The following TSPO2 variants were observed in gnomAD, a reference collection of about 807,000 sequenced individuals.
TSPO2 encodes benzodiazapine receptor (peripheral)-like 1.
In TSPO2, 15 loss-of-function variants were observed where a neutral mutation model predicts 13.3. The observed-to-expected ratio is 1.13, with a 90% CI of 0.75 to 1.73. TSPO2 has a LOEUF of 1.73. TSPO2 is among the 40% of genes most tolerant of loss of function. The pLI is 0.00. For missense variants in TSPO2, 202 were observed against 198.3 expected (o/e 1.02, Z -0.11); for synonymous variants, 81 against 91.6 (o/e 0.88, Z 0.66).
chr6:41,044,091 G>A lies in TSPO2; in HGVS notation c.467G>A (p.Ser156Asn), dbSNP rs765945188. 1.2e-6 allele frequency: 2 copies of A among 1,614,198 alleles called. No individual in the cohort carries two copies. The highest frequency in any genetic ancestry group is 1.7e-5 in the Admixed American group (1 of 60,028). Residue 156 changes from serine to asparagine, a missense_variant, in exon 4 of 4, where the codon AGC (serine) becomes AAC (asparagine). Transcript: ENST00000373161. ...CTCACCTACCACCTGTGGAGGGACA[G>A]CCTTTGTCCAGTGCACCAGCCTCAG... ...SALTYHLWRD[S>N]LCPVHQPQPT...
intron 3 of TSPO2, 106 bp from the exon 4 acceptor site, chr6:41,043,834 T>C (rs891049996): frequency 1.3e-6 from 2 of 1,508,128 alleles, no homozygotes; most frequent in African/African-American, 2.7e-5. Context: ...ACTCCCATGG[T>C]GTGCACAGAG....
chr6:41,042,675 G>T lies in TSPO2; in HGVS notation c.-124G>T. 3 of 553,634 alleles carry T rather than the reference G, an allele frequency of 5.4e-6. No individual in the cohort carries two copies. The highest frequency in any genetic ancestry group is 1.0e-5 in the Non-Finnish European group (3 of 290,688). 34.3% of individuals were successfully genotyped at this position (553,634 alleles called of 1,614,324 possible). ...CAGGACTCAGAAGCACTTGGAGGAA[G>T]GCCTATTCACTTAGAAGCAGTTACC... On this transcript the variant is annotated 5_prime_UTR_variant, in exon 1 of 4. In the 5' UTR this introduces an upstream ATG that the reference lacks. Coordinates refer to ENST00000373161, the MANE Select transcript of TSPO2 (RefSeq NM_001010873.3).
chr6:41,043,234 CATATATTGGCCTCCA>C, intron 2 of TSPO2, 76 bp downstream of exon 2: 4 of 1,503,082 alleles, frequency 2.7e-6, no homozygotes, highest in Non-Finnish European at 3.6e-6. Flanking sequence ...GAATTACTCC[CATATATTGGCCTCCA>C]AAGGTAGGCG....
At position 41,042,668 on chromosome 6, in the gene TSPO2, G is replaced by A. The variant is rs1347812817; in HGVS notation, c.-131G>A. 1.9e-6 allele frequency: 1 copy of A among 539,512 alleles called. No individual in the cohort carries two copies. Among genetic ancestry groups the A allele is most frequent in the Non-Finnish European group, 3.6e-6 (1 of 281,672 alleles). The allele number at this position is 539,512 out of a possible 1,614,324, so 33.4% of individuals were successfully genotyped here. A position where few individuals can be genotyped will look rare whatever the true frequency, so the allele number is the denominator to read the frequency against. ...TGATCTCCAGGACTCAGAAGCACTT[G>A]GAGGAAGGCCTATTCACTTAGAAGC... On this transcript the variant is annotated 5_prime_UTR_variant, in exon 1 of 4. Transcript: ENST00000373161.
intron 1 of TSPO2, 25 bp from the exon 2 acceptor site, chr6:41,042,941 A>C (rs753253007): frequency 6.2e-7 from 1 of 1,609,782 alleles, no homozygotes; most frequent in Non-Finnish European, 8.5e-7. Context: ...AAGGCTCATC[A>C]CTAGCATGTT....
At position 41,044,290 on chromosome 6, in the gene TSPO2, G is replaced by T; in HGVS notation, c.*153G>T. ...AAATCAGAGAAATGGGAAAGGGGGG[G>T]AAACTGATTTTACACTTAAATAATA... On this transcript the variant is annotated 3_prime_UTR_variant, in exon 4 of 4. Coordinates refer to ENST00000373161, the MANE Select transcript of TSPO2 (RefSeq NM_001010873.3). The T allele has an allele frequency of 2.9e-6, 2 of 680,596 alleles. No homozygotes were observed. Among genetic ancestry groups the T allele is most frequent in the Non-Finnish European group, 5.0e-6 (2 of 400,552 alleles). The allele number at this position is 680,596 out of a possible 1,614,324, so 42.2% of individuals were successfully genotyped here.
intron 1 of TSPO2, 57 bp downstream of exon 1, chr6:41,042,835 G>C: frequency 1.2e-6 from 1 of 868,416 alleles, no homozygotes; most frequent in Non-Finnish European, 1.9e-6. Context: ...GGGCCAGGGA[G>C]AGAGGAAGGA....
upstream of TSPO2, among the ~76,000 whole-genome samples, chr6:41,041,881 A>G (rs993101729): frequency 1.3e-5 from 2 of 152,168 alleles, no homozygotes; most frequent in Non-Finnish European, 2.9e-5. Flanking sequence ...AGGCTGAGAC[A>G]GGAGAATCAC....
chr6:41,043,023 A>AT lies in TSPO2; in HGVS notation c.38_39insT (p.Leu14ProfsTer12). On this transcript the variant is annotated frameshift_variant, in exon 2 of 4. Coordinates refer to ENST00000373161, the MANE Select transcript of TSPO2 (RefSeq NM_001010873.3). LOFTEE classifies it high-confidence loss of function. ...GGGGCTATCTTTGTGCTCCTGCCCC[A>AT]CCTGGGGCCCATCCTGGTCTGGCTG... 4 of 1,614,062 alleles carry AT rather than the reference A, an allele frequency of 2.5e-6. No homozygotes were observed. The highest frequency in any genetic ancestry group is 3.4e-6 in the Non-Finnish European group (4 of 1,179,986).
Position 41,044,058 on chromosome 6 carries a change from C to A in TSPO2, c.434C>A (p.Thr145Asn). 6.2e-7 allele frequency: 1 copy of A among 1,614,220 alleles called. No individual in the cohort carries two copies. The highest frequency in any genetic ancestry group is 8.5e-7 in the Non-Finnish European group (1 of 1,180,038). Residue 145 changes from threonine to asparagine, a missense_variant, in exon 4 of 4, where the codon ACT becomes AAT. By Grantham distance (65) the Thr-to-Asn change is moderately conservative. Transcript: ENST00000373161. ...LLPYLAWLTV[T>N]SALTYHLWRD... ...CCCTACCTAGCCTGGCTCACCGTGACTTCAGCCCTCACCTACCACCTGTGG... is the reference window on the plus strand; with the variant it reads ...CCCTACCTAGCCTGGCTCACCGTGAATTCAGCCCTCACCTACCACCTGTGG...
chr6:41,042,582 A>G lies in TSPO2; in HGVS notation c.-217A>G. 7.7e-6 allele frequency: 3 copies of G among 388,826 alleles called. No homozygotes were observed. The Admixed American group carries it at 9.6e-5, about 12-fold the overall frequency. The allele number at this position is 388,826 out of a possible 1,614,324, so 24.1% of individuals were successfully genotyped here. A position where few individuals can be genotyped will look rare whatever the true frequency, so the allele number is the denominator to read the frequency against. ...AGCTTAGGTAGAACAGTTCTCGGTG[A>G]GGGCCAGCTACATACCTGGCTAAGC... On this transcript the variant is annotated 5_prime_UTR_variant, in exon 1 of 4. Transcript: ENST00000373161.
chr6:41,043,453 A>G, intron 2 of TSPO2, 104 bp from the exon 3 acceptor site: 1 of 1,437,104 alleles, frequency 7.0e-7, no homozygotes, highest in South Asian at 1.4e-5. Flanking sequence ...ATCTGCCCCC[A>G]TTTCAGCCCA....
At position 41,043,101 on chromosome 6, in the gene TSPO2, G is replaced by T; in HGVS notation, c.116G>T (p.Trp39Leu). The T allele has an allele frequency of 6.2e-7, 1 of 1,614,126 alleles. No individual in the cohort carries two copies. Residue 39 changes from tryptophan (W) to leucine (L), a missense_variant, in exon 2 of 4, where the codon TGG (tryptophan) becomes TTG (leucine). Trp to Leu is a moderately conservative substitution (Grantham distance 61). Transcript: ENST00000373161. ...GWCEGPRMLS[W>L]CPFYKVLLLV... ...TGTGAGGGCCCGAGGATGCTGTCCTGGTGCCCATTCTACAAAGTCTTATTG... is the reference window on the plus strand; with the variant it reads ...TGTGAGGGCCCGAGGATGCTGTCCTTGTGCCCATTCTACAAAGTCTTATTG...
rs759960799 is a variant in TSPO2, at chr6:41,042,928, G to A, written c.-20-38G>A. ...GGCAGAGACAGACGAGGAGCCGCAG[G>A]GGAAGGCTCATCACTAGCATGTTCT... On this transcript the variant is annotated intron_variant, in intron 1 of 3. Coordinates refer to ENST00000373161, the MANE Select transcript of TSPO2 (RefSeq NM_001010873.3). 3.8e-6 allele frequency: 6 copies of A among 1,596,404 alleles called. No homozygotes were observed. In the South Asian group the frequency reaches 5.5e-5, roughly 15 times the overall value.
chr6:41,042,947 A>G lies in TSPO2; in HGVS notation c.-20-19A>G. 1.2e-6 allele frequency: 2 copies of G among 1,611,570 alleles called. No homozygotes were observed. The highest frequency in any genetic ancestry group is 1.7e-6 in the Non-Finnish European group (2 of 1,178,230). On this transcript the variant is annotated intron_variant, in intron 1 of 3. Transcript: ENST00000373161. Reference sequence around the variant, plus strand: ...CCGCAGGGGAAGGCTCATCACTAGCATGTTCTCTGCCTCCCCAGATTTTGC... The same window carrying G: ...CCGCAGGGGAAGGCTCATCACTAGCGTGTTCTCTGCCTCCCCAGATTTTGC...
In TSPO2 at chr6:41,044,015, G is replaced by A; in HGVS notation, c.391G>A (p.Ala131Thr). ...GATCTGGCATCCCATCAACAAACTGGCTGCCCTGTTACTGCTGCCCTACCT... is the reference window on the plus strand; with the variant it reads ...GATCTGGCATCCCATCAACAAACTGACTGCCCTGTTACTGCTGCCCTACCT... ...ALIWHPINKL[A>T]ALLLLPYLAW... The change falls in exon 4 of 4, where the codon GCT (alanine) becomes ACT (threonine). Residue 131 changes from alanine to threonine, a missense_variant. Physicochemically the swap from Ala to Thr is moderately conservative, Grantham distance 58. Transcript: ENST00000373161. 1 of 1,614,162 alleles carries A rather than the reference G, an allele frequency of 6.2e-7. No homozygotes were observed. Among genetic ancestry groups the A allele is most frequent in the Non-Finnish European group, 8.5e-7 (1 of 1,180,008 alleles).
chr6:41,042,100 G>A (rs1657883502), upstream of TSPO2, among the ~76,000 whole-genome samples: 1 of 152,286 alleles, frequency 6.6e-6, no homozygotes, highest in South Asian at 2.1e-4. Context: ...GAACAAATGA[G>A]AAGAATGATA....
rs767479090 is a variant in TSPO2 at position 41,044,201 on chromosome 6, G to A, written c.*64G>A. On this transcript the variant is annotated 3_prime_UTR_variant, in exon 4 of 4. Transcript: ENST00000373161. The stretch of plus-strand genomic sequence containing the variant: ...GGAGGAAGAGTCTGCAAGCAGGGCT[G>A]TGGAGTTAGGGTTCACCCCAATGGG... 3 of 1,572,710 alleles carry A rather than the reference G, an allele frequency of 1.9e-6. No individual in the cohort carries two copies. Among genetic ancestry groups the A allele is most frequent in the Non-Finnish European group, 2.6e-6 (3 of 1,147,802 alleles).
At chr6:41,043,859 C>G in intron 3 of TSPO2, 81 bp from the exon 4 acceptor site, 1 of 1,551,084 alleles carries the variant, frequency 6.4e-7, no homozygotes, top group East Asian at 2.3e-5. Context: ...AGGGACTGAG[C>G]TCGTTGCTGG....
Sources: gnomAD v4.1 joint callset for allele counts (sites outside exome capture counted in the v4.1 genomes callset) on GRCh38, gnomAD v4.1.1 for gene constraint, MANE v1.5 for transcripts, NCBI Gene and HGNC (gene_info 2026-07-23, HGNC 2026-07-21) for gene names.